Variants in FAT3 observed in about 807,000 individuals in gnomAD.
FAT3 encodes protocadherin Fat 3.
Under a neutral mutation model 310.2 loss-of-function variants are expected in FAT3, and 95 were observed. The observed-to-expected ratio is 0.31, with a 90% CI of 0.26 to 0.36. The LOEUF (loss-of-function observed/expected upper bound fraction) is 0.36, where lower values mean the gene tolerates loss of function less well. Ranked by LOEUF, FAT3 falls within the 10% of genes least tolerant of loss-of-function variation. FAT3 has a pLI of 1.00. For synonymous variants in FAT3, 2,314 were observed against 2,192.9 expected (o/e 1.06, Z -1.54); for missense variants, 5,408 against 5,715.6 (o/e 0.95, Z 1.74).
At chr11:92,498,721 C>T (rs1470929138) in intron 2 of FAT3, 1 of 153,304 alleles carries the variant, frequency 6.5e-6, no homozygotes, top group Non-Finnish European at 1.5e-5. Flanking sequence ...TGCACATCAC[C>T]AAGACTCACC....
rs2136416782 is a variant in FAT3, at chr11:92,883,265, C to T, written c.12809C>T (p.Ser4270Leu). Reference protein sequence around the residue: ...HQEMTTFHPESPRILTARRGV... With the variant: ...HQEMTTFHPELPRILTARRGV... The stretch of plus-strand genomic sequence containing the variant: ...GAAATGACCACGTTTCACCCTGAGT[C>T]GCCCCGCATCCTGACAGCCCGGCGG... The change falls in exon 24 of 28, where the codon TCG (serine) becomes TTG (leucine). Residue 4270 changes from serine to leucine, a missense_variant. This residue lies in a region of FAT3 where 649 missense variants were observed against 666.2 expected (regional missense o/e 0.97). Coordinates refer to ENST00000525166, the MANE Select transcript of FAT3 (RefSeq NM_001367949.2). This position sits in a 1 kb window ranked among gnomAD's most constrained non-coding sequence, Gnocchi z 4.2. 6.2e-7 allele frequency: 1 copy of T among 1,612,828 alleles called. No individual in the cohort carries two copies. Among genetic ancestry groups the T allele is most frequent in the East Asian group, 2.2e-5 (1 of 44,858 alleles).
At chr11:92,766,337 G>C (rs2136098901) in intron 6 of FAT3, among the ~76,000 whole-genome samples, 1 of 152,326 alleles carries the variant, frequency 6.6e-6, no homozygotes. Context: ...CTCTGTGGGA[G>C]GCAGGGGATC....
chr11:92,585,518 T>C (rs769201957), intron 3 of FAT3, among the ~76,000 whole-genome samples: 13 of 152,024 alleles, frequency 8.6e-5, no homozygotes, highest in Non-Finnish European at 1.5e-4. Context: ...ATAGATAAGT[T>C]AGAAAAGTAA....
At chr11:92,295,383 G>C (rs1946823651) in intron 1 of FAT3, among the ~76,000 whole-genome samples, 1 of 152,094 alleles carries the variant, frequency 6.6e-6, no homozygotes. Context: ...AGTCACCATG[G>C]ACTTTGGACA....
chr11:92,664,659 C>T (rs1217844155), intron 3 of FAT3, among the ~76,000 whole-genome samples: 2 of 152,054 alleles, frequency 1.3e-5, no homozygotes, highest in African/African-American at 4.8e-5. Context: ...AAATAATTAC[C>T]AGTGTAGCTT....
chr11:92,860,033 C>G (rs1405893355), intron 21 of FAT3, among the ~76,000 whole-genome samples: 2 of 152,148 alleles, frequency 1.3e-5, no homozygotes, highest in Admixed American at 6.5e-5. Flanking sequence ...GAAACCCTGT[C>G]TCTACTAAAA....
intron 13 of FAT3, among the ~76,000 whole-genome samples, chr11:92,819,737 T>G (rs927678639): frequency 6.6e-6 from 1 of 152,226 alleles, no homozygotes; most frequent in Non-Finnish European, 1.5e-5. Context: ...AACTCCCATA[T>G]TTCAAAGTAG....
intron 2 of FAT3, among the ~76,000 whole-genome samples, chr11:92,428,262 G>T (rs1163543275): frequency 7.7e-5 from 11 of 142,532 alleles, no homozygotes; most frequent in Non-Finnish European, 1.4e-4. Context: ...ATTCTTCTCT[G>T]TTTTCTTCTT....
intron 3 of FAT3, among the ~76,000 whole-genome samples, chr11:92,580,356 G>A (rs971642093): frequency 2.6e-5 from 4 of 151,972 alleles, no homozygotes; most frequent in African/African-American, 9.7e-5. Flanking sequence ...TGTTTGAAAT[G>A]TTCTTCCCCT....
chr11:92,852,646 A>G (rs1402517471), intron 19 of FAT3, among the ~76,000 whole-genome samples: 1 of 152,200 alleles, frequency 6.6e-6, no homozygotes, highest in East Asian at 1.9e-4. Flanking sequence ...GCTGGAATGA[A>G]TGTAAATACT....
rs201900021 is a variant in FAT3 at position 92,353,265 on chromosome 11, A to G, written c.1153A>G (p.Ile385Val). ...RFEKEVYDVS[I>V]SEFSPPGVVV... ...TGAAAAAGAAGTGTACGATGTGAGCATAAGTGAATTTTCCCCTCCTGGTGT... is the reference window on the plus strand; with the variant it reads ...TGAAAAAGAAGTGTACGATGTGAGCGTAAGTGAATTTTCCCCTCCTGGTGT... The change falls in exon 2 of 28, where the codon ATA (isoleucine) becomes GTA (valine). Residue 385 changes from isoleucine to valine, a missense_variant. By Grantham distance (29) the Ile-to-Val change is conservative. Coordinates refer to ENST00000525166, the MANE Select transcript of FAT3 (RefSeq NM_001367949.2). 175 of 1,613,634 alleles carry G rather than the reference A, an allele frequency of 1.1e-4. No individual in the cohort carries two copies. The highest frequency in any genetic ancestry group is 1.4e-4 in the Non-Finnish European group (166 of 1,179,844).
At chr11:92,544,298 A>T (rs1017915111) in intron 3 of FAT3, among the ~76,000 whole-genome samples, 1 of 152,184 alleles carries the variant, frequency 6.6e-6, no homozygotes, top group East Asian at 1.9e-4. Context: ...CTGGTGTTCG[A>T]TAGATTGTAG....
At chr11:92,598,242 T>TTTG in intron 3 of FAT3, among the ~76,000 whole-genome samples, 1 of 148,582 alleles carries the variant, frequency 6.7e-6, no homozygotes, top group Non-Finnish European at 1.5e-5. Context: ...TTTTTTTTTT[T>TTTG]TTGAGACAAA....
chr11:92,440,420 C>G lies in FAT3; in HGVS notation c.3293-84214C>G, dbSNP rs61503726. On this transcript the variant is annotated intron_variant, in intron 2 of 27. Transcript: ENST00000525166. Reference sequence around the variant, plus strand: ...GGGGCAAGAAAGCCACTGCCTGTAACTCTCAGATCATCGTTGGGTTGAGAA... The same window carrying G: ...GGGGCAAGAAAGCCACTGCCTGTAAGTCTCAGATCATCGTTGGGTTGAGAA... Among the ~76,000 whole-genome samples the G allele has an allele frequency of 8.6e-3, 1,310 of 152,324 alleles. 13 individuals carry two copies. Among genetic ancestry groups the G allele is most frequent in the African/African-American group, 0.031 (1,268 of 41,566 alleles).
chr11:92,621,730 G>A (rs928510480), intron 3 of FAT3, among the ~76,000 whole-genome samples: 1 of 152,096 alleles, frequency 6.6e-6, no homozygotes, highest in Non-Finnish European at 1.5e-5. Flanking sequence ...GATTCCTAAG[G>A]CCTGTTATTT....
intron 13 of FAT3, among the ~76,000 whole-genome samples, chr11:92,831,015 T>G (rs1217736295): frequency 6.6e-6 from 1 of 151,978 alleles, no homozygotes; most frequent in Non-Finnish European, 1.5e-5. Context: ...TGCTGACTGG[T>G]CTCCCTCCTT....
At chr11:92,252,407 A>T (rs1329360336) in intron 1 of FAT3, among the ~76,000 whole-genome samples, 1 of 152,088 alleles carries the variant, frequency 6.6e-6, no homozygotes, top group Non-Finnish European at 1.5e-5. Flanking sequence ...CTAACAAACC[A>T]TACTGGTTAG....
intron 21 of FAT3, 99 bp downstream of exon 21, chr11:92,859,421 C>A: frequency 8.2e-7 from 1 of 1,220,412 alleles, no homozygotes; most frequent in Non-Finnish European, 1.1e-6. Context: ...CTTTTAAGTT[C>A]AGAAGACCAG....
intron 1 of FAT3, among the ~76,000 whole-genome samples, chr11:92,346,264 C>G (rs1257410703): frequency 6.6e-6 from 1 of 152,160 alleles, no homozygotes; most frequent in African/African-American, 2.4e-5. Flanking sequence ...TCTGGCTGTT[C>G]TGGGACTCAT....
Sources: gnomAD v4.1 joint callset for allele counts (sites outside exome capture counted in the v4.1 genomes callset) on GRCh38, gnomAD v4.1.1 for gene constraint, gnomAD v4.1.1 regional missense constraint, Gnocchi (gnomAD v3.1) non-coding constraint, MANE v1.5 for transcripts, NCBI Gene and HGNC (gene_info 2026-07-23, HGNC 2026-07-21) for gene names.